The following LYPLAL1 variants were observed in gnomAD, a reference collection of about 807,000 sequenced individuals.
The protein encoded by LYPLAL1 is lysophospholipase-like protein 1.
LYPLAL1 carries 23 observed loss-of-function variants against 19.7 expected under a neutral mutation model. The observed-to-expected ratio is 1.17, with a 90% CI of 0.84 to 1.65. The LOEUF is 1.65. Ranked by LOEUF, LYPLAL1 falls within the 40% of genes most tolerant of loss-of-function variation. The probability of loss-of-function intolerance (pLI) is 0.00; values close to 1 mark genes in which losing one functional copy is unlikely to be tolerated. For synonymous variants in LYPLAL1, 119 were observed against 96.3 expected (o/e 1.24, Z -1.38); for missense variants, 355 against 279.4 (o/e 1.27, Z -1.93).
chr1:219,396,331 C>G, the LYPLAL1 span, among the ~76,000 whole-genome samples: 2 of 152,086 alleles, frequency 1.3e-5, no homozygotes, highest in East Asian at 3.9e-4. Context: ...GGTTTGATTA[C>G]TGTAGTCTTG....
chr1:219,241,045 T>C, the LYPLAL1 span, among the ~76,000 whole-genome samples: 1 of 147,502 alleles, frequency 6.8e-6, no homozygotes, highest in South Asian at 2.1e-4. Context: ...TATCTCAAAA[T>C]ATCTATATAT....
the LYPLAL1 span, among the ~76,000 whole-genome samples, chr1:219,372,724 A>T: frequency 6.6e-6 from 1 of 151,902 alleles, no homozygotes; most frequent in Non-Finnish European, 1.5e-5. Context: ...ACATGGTGAA[A>T]CCCTGCCTCT....
At chr1:219,276,552 T>C in the LYPLAL1 span, among the ~76,000 whole-genome samples, 1 of 152,186 alleles carries the variant, frequency 6.6e-6, no homozygotes, top group Non-Finnish European at 1.5e-5. Context: ...CTCTGAGAAG[T>C]CACTGTAGAA....
the LYPLAL1 span, among the ~76,000 whole-genome samples, chr1:219,321,223 G>C: frequency 6.6e-6 from 1 of 152,176 alleles, no homozygotes; most frequent in Non-Finnish European, 1.5e-5. Context: ...GTGTCTGTTG[G>C]CTGCATAAAT....
the LYPLAL1 span, among the ~76,000 whole-genome samples, chr1:219,403,243 T>G: frequency 2.0e-5 from 3 of 152,196 alleles, no homozygotes; most frequent in African/African-American, 7.2e-5. Context: ...AAGTAGTCCT[T>G]GCCTTCTAAG....
In LYPLAL1 at chr1:219,211,808, TA is replaced by T; in HGVS notation, c.*84del. On this transcript the variant is annotated 3_prime_UTR_variant, in exon 5 of 5. Coordinates refer to ENST00000366928, the MANE Select transcript of LYPLAL1 (RefSeq NM_138794.5). ...TTTACTGCCAAATTATAATGATAATTAAAATATTAAGAAATAACACTTTCCT... is the reference window on the plus strand; with the variant it reads ...TTTACTGCCAAATTATAATGATAATTAAATATTAAGAAATAACACTTTCCT... 1 of 887,590 alleles carries T rather than the reference TA, an allele frequency of 1.1e-6. No homozygotes were observed. Among genetic ancestry groups the T allele is most frequent in the Non-Finnish European group, 1.7e-6 (1 of 591,828 alleles). 55.0% of individuals were successfully genotyped at this position (887,590 alleles called of 1,614,324 possible).
chr1:219,195,337 A>C (rs1045814862), intron 3 of LYPLAL1, among the ~76,000 whole-genome samples: 3 of 150,082 alleles, frequency 2.0e-5, no homozygotes, highest in African/African-American at 7.3e-5. Context: ...GAAGTCTGAC[A>C]TGGAGAAACC....
At chr1:219,390,942 AT>A in the LYPLAL1 span, among the ~76,000 whole-genome samples, 1 of 152,034 alleles carries the variant, frequency 6.6e-6, no homozygotes, top group African/African-American at 2.4e-5. Flanking sequence ...CCCCTTTTCA[AT>A]CTCTACAGTT....
the LYPLAL1 span, among the ~76,000 whole-genome samples, chr1:219,281,639 G>T: frequency 2.6e-5 from 4 of 152,088 alleles, no homozygotes; most frequent in East Asian, 5.8e-4. Flanking sequence ...ACTGGAGAAG[G>T]CTCTTTCTCT....
the LYPLAL1 span, among the ~76,000 whole-genome samples, chr1:219,303,223 A>C: frequency 6.6e-6 from 1 of 152,252 alleles, no homozygotes; most frequent in African/African-American, 2.4e-5. Flanking sequence ...ACAACAATGT[A>C]TTGGATGTTT....
At chr1:219,320,948 A>G in the LYPLAL1 span, among the ~76,000 whole-genome samples, 1 of 152,186 alleles carries the variant, frequency 6.6e-6, no homozygotes, top group African/African-American at 2.4e-5. Flanking sequence ...TCCTTTGGGT[A>G]TATATCCAGT....
the LYPLAL1 span, among the ~76,000 whole-genome samples, chr1:219,218,222 A>G: frequency 6.6e-6 from 1 of 152,108 alleles, no homozygotes; most frequent in Non-Finnish European, 1.5e-5. Context: ...ATAATTGAGC[A>G]TGTGTAGTAC....
At chr1:219,332,999 GC>G in the LYPLAL1 span, among the ~76,000 whole-genome samples, 1 of 151,996 alleles carries the variant, frequency 6.6e-6, no homozygotes, top group East Asian at 1.9e-4. Context: ...ACTTTTAAAG[GC>G]CATTTGAATT....
the LYPLAL1 span, among the ~76,000 whole-genome samples, chr1:219,236,683 G>T: frequency 6.6e-6 from 1 of 152,180 alleles, no homozygotes; most frequent in African/African-American, 2.4e-5. Flanking sequence ...AACTATAGTT[G>T]GATAGTCTAC....
intron 3 of LYPLAL1, among the ~76,000 whole-genome samples, chr1:219,209,141 A>G (rs898258085): frequency 6.6e-6 from 1 of 152,102 alleles, no homozygotes; most frequent in African/African-American, 2.4e-5. Context: ...AGAGCCTTTC[A>G]GGTGGCTCTT....
the LYPLAL1 span, among the ~76,000 whole-genome samples, chr1:219,240,442 C>G: frequency 6.6e-6 from 1 of 152,128 alleles, no homozygotes; most frequent in African/African-American, 2.4e-5. Flanking sequence ...TGCATAATGA[C>G]AAAACTATGG....
At chr1:219,266,525 A>G in the LYPLAL1 span, among the ~76,000 whole-genome samples, 1 of 152,180 alleles carries the variant, frequency 6.6e-6, no homozygotes, top group Non-Finnish European at 1.5e-5. Flanking sequence ...TTTAATAAGT[A>G]GGAGTATACT....
the LYPLAL1 span, among the ~76,000 whole-genome samples, chr1:219,372,721 G>A: frequency 6.6e-6 from 1 of 152,024 alleles, no homozygotes; most frequent in African/African-American, 2.4e-5. Flanking sequence ...GCAACATGGT[G>A]AAACCCTGCC....
chr1:219,222,070 C>T, the LYPLAL1 span, among the ~76,000 whole-genome samples: 1 of 152,110 alleles, frequency 6.6e-6, no homozygotes, highest in Non-Finnish European at 1.5e-5. Context: ...CCCTACCTGA[C>T]ATTCTTCAAA....
Sources: allele counts gnomAD v4.1 joint callset (sites outside exome capture counted in the v4.1 genomes callset), GRCh38; gene constraint gnomAD v4.1.1; transcripts MANE v1.5; gene names NCBI Gene and HGNC (gene_info 2026-07-23, HGNC 2026-07-21).